Variants in EME1 observed in about 807,000 individuals in gnomAD.
The protein encoded by EME1 is structure-specific endonuclease subunit EME1.
A neutral mutation model predicts 59.1 loss-of-function variants in EME1; 61 were observed. The ratio of observed to expected loss-of-function variants is 1.03; its 90% confidence interval spans 0.84 to 1.28. The LOEUF is 1.28. Among genes scored for constraint, EME1 ranks in the 50% most tolerant of loss-of-function variants. EME1 has a pLI of 0.00. For missense variants in EME1, 635 were observed against 682.6 expected, an observed-to-expected ratio of 0.93 and a Z score of 0.78; for synonymous variants, 230 against 254.2, an observed-to-expected ratio of 0.90 and a Z score of 0.90.
In EME1 at chr17:50,380,864, ACCAGAACTAT is replaced by A; in HGVS notation, c.1643_1652del (p.Glu548GlyfsTer7). On this transcript the variant is annotated frameshift_variant, in exon 9 of 9. Coordinates refer to ENST00000338165, the MANE Select transcript of EME1 (RefSeq NM_152463.4). LOFTEE classifies it high-confidence loss of function. ...TGACATCCACTTCTCGCCGCATTGG[ACCAGAACTAT>A]CCAGGCGTATCTACCTTCAGATGAC... The A allele has an allele frequency of 1.2e-6, 2 of 1,614,122 alleles. No individual in the cohort carries two copies. Among genetic ancestry groups the A allele is most frequent in the Admixed American group, 3.3e-5 (2 of 60,014 alleles).
At chr17:50,379,698 G>A (rs377329160) in intron 7 of EME1, 131 bp downstream of exon 7, 1 of 754,128 alleles carries the variant, frequency 1.3e-6, no homozygotes, top group Non-Finnish European at 2.2e-6. Context: ...GAGGCAGAAG[G>A]AGCTGACCTC....
At chr17:50,378,212 A>G (rs2143319475) in intron 3 of EME1, among the ~76,000 whole-genome samples, 1 of 151,686 alleles carries the variant, frequency 6.6e-6, no homozygotes, top group South Asian at 2.1e-4. Flanking sequence ...GATTACAGGC[A>G]CGTACCGCCA....
chr17:50,380,785 A>G lies in EME1; in HGVS notation c.1559A>G (p.Asp520Gly). Residue 520 changes from aspartate to glycine, a missense_variant, in exon 9 of 9, where the codon GAT becomes GGT. By Grantham distance (94) the Asp-to-Gly change is moderately conservative. Coordinates refer to ENST00000338165, the MANE Select transcript of EME1 (RefSeq NM_152463.4). ...LVQAYQQCFS[D>G]KERQNLLADI... ...CAGGCTTATCAGCAGTGTTTTTCGG[A>G]TAAAGAACGCCAGAATTTGCTCGCA... 1.2e-6 allele frequency: 2 copies of G among 1,614,202 alleles called. No individual in the cohort carries two copies. Among genetic ancestry groups the G allele is most frequent in the Non-Finnish European group, 8.5e-7 (1 of 1,180,040 alleles).
chr17:50,379,821 T>TAGGCCAAGTTACCAG (rs1913698424), intron 7 of EME1: 1 of 447,720 alleles, frequency 2.2e-6, no homozygotes, highest in Admixed American at 3.5e-5. Context: ...CAGGTTACCA[T>TAGGCCAAGTTACCAG]AGGCCAAGTT....
chr17:50,378,737 A>G (rs1446909145), intron 4 of EME1, 37 bp from the exon 5 acceptor site: 1 of 1,614,190 alleles, frequency 6.2e-7, no homozygotes, highest in East Asian at 2.2e-5. Context: ...TCTTACTAGG[A>G]AGCAAGTATT....
intron 3 of EME1, among the ~76,000 whole-genome samples, chr17:50,377,236 G>T (rs1433725894): frequency 2.0e-5 from 3 of 151,974 alleles, no homozygotes; most frequent in Non-Finnish European, 2.9e-5. Flanking sequence ...CCCTCTCAAG[G>T]CACTCCCACA....
intron 5 of EME1, 33 bp downstream of exon 5, chr17:50,378,928 A>C: frequency 1.2e-6 from 2 of 1,614,128 alleles, no homozygotes; most frequent in Non-Finnish European, 8.5e-7. Context: ...TCATGTTAAA[A>C]GGGGCAGCTC....
intron 2 of EME1, 32 bp downstream of exon 2, chr17:50,376,015 T>C (rs777597436): frequency 1.7e-5 from 27 of 1,607,078 alleles, no homozygotes; most frequent in Non-Finnish European, 2.2e-5. Flanking sequence ...CTGTGCTGAG[T>C]TATCTGCGTT....
intron 3 of EME1, among the ~76,000 whole-genome samples, chr17:50,377,167 T>C (rs1913515760): frequency 6.6e-6 from 1 of 152,188 alleles, no homozygotes; most frequent in Non-Finnish European, 1.5e-5. Context: ...CACAGGACAG[T>C]TCCCCACACT....
Position 50,379,713 on chromosome 17 carries a change from T to A in EME1, c.1346+146T>A. 15 of 661,970 alleles carry A rather than the reference T, an allele frequency of 2.3e-5. No homozygotes were observed. In the South Asian group the frequency reaches 2.8e-4, roughly 13 times the overall value. 41.0% of individuals were successfully genotyped at this position (661,970 alleles called of 1,614,324 possible). A position where few individuals can be genotyped will look rare whatever the true frequency, so the allele number is the denominator to read the frequency against. ...GAGGCAGAAGGAGCTGACCTCACAC[T>A]GGGGATTCTTGGGAAGAGTCCTCAA... On this transcript the variant is annotated intron_variant, in intron 7 of 8. Coordinates refer to ENST00000338165, the MANE Select transcript of EME1 (RefSeq NM_152463.4).
At position 50,380,492 on chromosome 17, in the gene EME1, C is replaced by T. The variant is rs959368853; in HGVS notation, c.1527C>T (p.Leu509=). ...TGAATGCCTATCCCTCCCCACAGCT[C>T]CTGGTACAGGTATGCTGCTCCAGGG... ...AVVNAYPSPQ[L]LVQAYQQCFS... The change falls in exon 8 of 9, where the codon CTC becomes CTT. Residue 509 remains leucine (L), a synonymous_variant. Transcript: ENST00000338165. 3.1e-6 allele frequency: 5 copies of T among 1,613,730 alleles called. No individual in the cohort carries two copies. The highest frequency in any genetic ancestry group is 4.2e-6 in the Non-Finnish European group (5 of 1,180,022).
At chr17:50,378,562 C>T (rs1309711250) in intron 3 of EME1, 33 bp from the exon 4 acceptor site, 1 of 1,610,484 alleles carries the variant, frequency 6.2e-7, no homozygotes, top group African/African-American at 1.3e-5. Context: ...TGCTGACCTC[C>T]CTCCCTGTGC....
intron 3 of EME1, among the ~76,000 whole-genome samples, chr17:50,377,388 A>G (rs971247527): frequency 6.6e-6 from 1 of 152,184 alleles, no homozygotes; most frequent in African/African-American, 2.4e-5. Context: ...CCAAACCTAC[A>G]CTTTGCTGTA....
Position 50,380,892 on chromosome 17 carries a change from C to T in EME1, c.1666C>T (p.Gln556Ter), listed in dbSNP as rs1226030687. 1 of 1,614,226 alleles carries T rather than the reference C, an allele frequency of 6.2e-7. No individual in the cohort carries two copies. Among genetic ancestry groups the T allele is most frequent in the South Asian group, 1.1e-5 (1 of 91,092 alleles). The stretch of plus-strand genomic sequence containing the variant: ...AGAACTATCCAGGCGTATCTACCTT[C>T]AGATGACCACTTTACAGCCACATCT... ...GPELSRRIYLQMTTLQPHLSL... is the reference protein window; with the variant it reads ...GPELSRRIYL The change falls in exon 9 of 9, where the codon CAG becomes TAG. Residue 556 changes from glutamine (Q) to a stop codon, truncating the protein, a stop_gained. Transcript: ENST00000338165. LOFTEE classifies it high-confidence loss of function.
Position 50,381,289 on chromosome 17 carries a change from A to G in EME1, c.*350A>G, listed in dbSNP as rs1913827952. The stretch of plus-strand genomic sequence containing the variant: ...GTAGAAATCCAAAAGAATTAGCATC[A>G]AATCTTGAAGTCGTGAGTGAAGCTG... On this transcript the variant is annotated 3_prime_UTR_variant, in exon 9 of 9. Transcript: ENST00000338165. The G allele has an allele frequency of 4.2e-6, 1 of 238,084 alleles. No individual in the cohort carries two copies. Among genetic ancestry groups the G allele is most frequent in the Admixed American group, 5.0e-5 (1 of 19,944 alleles). 14.7% of individuals were successfully genotyped at this position (238,084 alleles called of 1,614,324 possible).
At position 50,380,436 on chromosome 17, in the gene EME1, C is replaced by G. The variant is rs774050034; in HGVS notation, c.1471C>G (p.Arg491Gly). Residue 491 changes from arginine to glycine, a missense_variant, in exon 8 of 9, where the codon CGA (arginine) becomes GGA (glycine). By Grantham distance (125) the Arg-to-Gly change is moderately radical. Coordinates refer to ENST00000338165, the MANE Select transcript of EME1 (RefSeq NM_152463.4). Reference sequence around the variant, plus strand: ...GAGGAGACAGATTCAGCAGCTGAACCGAGTCAGCCTGGAAATGGCCAGTGC... The same window carrying G: ...GAGGAGACAGATTCAGCAGCTGAACGGAGTCAGCCTGGAAATGGCCAGTGC... ...VWRRQIQQLN[R>G]VSLEMASAVV... 1 of 1,614,160 alleles carries G rather than the reference C, an allele frequency of 6.2e-7. No homozygotes were observed. The highest frequency in any genetic ancestry group is 8.5e-7 in the Non-Finnish European group (1 of 1,180,034).
In EME1 at chr17:50,381,230, A is replaced by C; in HGVS notation, c.*291A>C. The stretch of plus-strand genomic sequence containing the variant: ...GCCAGCCCTCAAAACACAAAGGAAC[A>C]AAGACAGTCCACTCAGACACTTATT... On this transcript the variant is annotated 3_prime_UTR_variant, in exon 9 of 9. Transcript: ENST00000338165. 1 of 384,666 alleles carries C rather than the reference A, an allele frequency of 2.6e-6. No homozygotes were observed. Among genetic ancestry groups the C allele is most frequent in the Non-Finnish European group, 4.8e-6 (1 of 210,102 alleles). The allele number at this position is 384,666 out of a possible 1,614,324, so 23.8% of individuals were successfully genotyped here.
rs1016073007 is a variant in EME1 at position 50,379,479 on chromosome 17, G to C, written c.1258G>C (p.Glu420Gln). Residue 420 changes from glutamate to glutamine, a missense_variant, in exon 7 of 9, where the codon GAA becomes CAA. By Grantham distance (29) the Glu-to-Gln change is conservative. Transcript: ENST00000338165. ...ATTGGTGGATCTGCAGCTACACACA[G>C]AAGCCCAGGCTCAAATTGTGCAGAG... ...EALVDLQLHT[E>Q]AQAQIVQSWK... 9.9e-6 allele frequency: 16 copies of C among 1,614,172 alleles called. No homozygotes were observed. Among genetic ancestry groups the C allele is most frequent in the Non-Finnish European group, 1.4e-5 (16 of 1,180,032 alleles).
chr17:50,376,539 T>C (rs1055155409), intron 3 of EME1, among the ~76,000 whole-genome samples: 1 of 152,200 alleles, frequency 6.6e-6, no homozygotes, highest in African/African-American at 2.4e-5. Flanking sequence ...TATCTACTAA[T>C]GTACCCCTCT....
Sources: gnomAD v4.1 joint callset for allele counts (sites outside exome capture counted in the v4.1 genomes callset) on GRCh38, gnomAD v4.1.1 for gene constraint, MANE v1.5 for transcripts, NCBI Gene and HGNC (gene_info 2026-07-23, HGNC 2026-07-21) for gene names.